The following OPA3 variants were observed in gnomAD, a reference collection of about 807,000 sequenced individuals.
OPA3 encodes the protein optic atrophy 3 protein.
In OPA3, 6 loss-of-function variants were observed where a neutral mutation model predicts 4.0. The observed-to-expected ratio is 1.51, with a 90% CI of 0.83 to 2.99. The LOEUF is 2.99. OPA3 is among the 30% of genes most tolerant of loss of function. The pLI is 0.00. For synonymous variants in OPA3, 105 were observed against 117.1 expected, an observed-to-expected ratio of 0.90 and a Z score of 0.67; for missense variants, 235 against 256.2, an observed-to-expected ratio of 0.92 and a Z score of 0.56.
intron 1 of OPA3, among the ~76,000 whole-genome samples, chr19:45,537,410 A>AAAAAAAAAAAAAAACAAG (rs1555730890): frequency 9.1e-4 from 109 of 120,088 alleles, no homozygotes; most frequent in South Asian, 1.6e-3. Flanking sequence ...AAAAAAAAAA[A>AAAAAAAAAAAAAAACAAG]AAAAAAAAAA....
At chr19:45,580,022 A>G (rs1969825031) in intron 1 of OPA3, among the ~76,000 whole-genome samples, 2 of 133,726 alleles carry the variant, frequency 1.5e-5, no homozygotes, top group Non-Finnish European at 3.1e-5. Flanking sequence ...TTTGATATGG[A>G]GTCTCGCTCT....
At chr19:45,542,480 T>C (rs542374772), downstream of OPA3, among the ~76,000 whole-genome samples, 20 of 152,258 alleles carry the variant, frequency 1.3e-4, no homozygotes, top group African/African-American at 2.4e-4. Flanking sequence ...CTAAACAGCA[T>C]GTGACTGTAC....
intron 1 of OPA3, among the ~76,000 whole-genome samples, chr19:45,583,551 G>A (rs551792374): frequency 6.6e-6 from 1 of 151,900 alleles, no homozygotes; most frequent in Non-Finnish European, 1.5e-5. Context: ...GCCCAGGCTG[G>A]AGTGCAATGG....
chr19:45,546,466 T>G lies in OPA3; in HGVS notation c.*7048A>C. The G allele has an allele frequency of 1.6e-6, 1 of 617,272 alleles. No homozygotes were observed. Among genetic ancestry groups the G allele is most frequent in the Non-Finnish European group, 2.0e-6 (1 of 494,656 alleles). 38.2% of individuals were successfully genotyped at this position (617,272 alleles called of 1,614,324 possible). On this transcript the variant is annotated 3_prime_UTR_variant, in exon 2 of 2. Transcript: ENST00000263275. ...ATACATAGAATTGTAAATTATTGTA[T>G]AAATATGCACACGATGGATTACATA...
intron 1 of OPA3, among the ~76,000 whole-genome samples, chr19:45,530,946 T>TGCA (rs1969054042): frequency 7.8e-6 from 1 of 128,644 alleles, no homozygotes; most frequent in Non-Finnish European, 1.6e-5. Flanking sequence ...TTTTTTTTTT[T>TGCA]TTTTTTTTTT....
intron 1 of OPA3, among the ~76,000 whole-genome samples, chr19:45,562,085 G>A (rs1472675024): frequency 2.0e-5 from 3 of 151,858 alleles, no homozygotes; most frequent in African/African-American, 4.8e-5. Flanking sequence ...TATGGCTCAC[G>A]CCTATAATAA....
chr19:45,545,505 T>C (rs1969238960), downstream of OPA3, among the ~76,000 whole-genome samples: 2 of 151,994 alleles, frequency 1.3e-5, no homozygotes, highest in South Asian at 2.1e-4. Context: ...CACTCCAGCC[T>C]GGGTGACAGA....
chr19:45,540,664 G>A (rs528763059), intron 1 of OPA3, among the ~76,000 whole-genome samples: 3 of 151,930 alleles, frequency 2.0e-5, no homozygotes, highest in South Asian at 2.1e-4. Context: ...TCAGGTGGGC[G>A]TGGTGACAGG....
chr19:45,528,008 G>A (rs1196408590), exon 2 of OPA3: 2 of 152,542 alleles, frequency 1.3e-5, no homozygotes, highest in African/African-American at 2.4e-5. Context: ...CCAAAGGCAG[G>A]AAGGAAGGGC....
chr19:45,529,551 G>T (rs1969036003), intron 1 of OPA3: 9 of 1,479,158 alleles, frequency 6.1e-6, no homozygotes, highest in Non-Finnish European at 8.5e-6. Context: ...TAGCAATGGG[G>T]ATGTGGTCAC....
Position 45,584,617 on chromosome 19 carries a change from A to G in OPA3, c.142+6T>C, listed in dbSNP as rs1969905110. 1.2e-6 allele frequency: 2 copies of G among 1,614,018 alleles called. No homozygotes were observed. Among genetic ancestry groups the G allele is most frequent in the Non-Finnish European group, 1.7e-6 (2 of 1,180,018 alleles). On this transcript the variant is annotated splice_donor_region_variant and intron_variant, in intron 1 of 1. Transcript: ENST00000263275. ...AAAGGTTGGAGGGAATTCGGGTCAG[A>G]CTCACGTTGAGCCGGCGGGAGGCAG... is the stretch of plus-strand genomic sequence containing the variant.
chr19:45,549,786 T>G lies in OPA3; in HGVS notation c.*3728A>C, dbSNP rs1908399886. 1 of 985,240 alleles carries G rather than the reference T, an allele frequency of 1.0e-6. No individual in the cohort carries two copies. Among genetic ancestry groups the G allele is most frequent in the Non-Finnish European group, 1.2e-6 (1 of 830,018 alleles). 61.0% of individuals were successfully genotyped at this position (985,240 alleles called of 1,614,324 possible). A position where few individuals can be genotyped will look rare whatever the true frequency, so the allele number is the denominator to read the frequency against. On this transcript the variant is annotated 3_prime_UTR_variant, in exon 2 of 2. Coordinates refer to ENST00000263275, the MANE Select transcript of OPA3 (RefSeq NM_025136.4). The stretch of plus-strand genomic sequence containing the variant: ...TGAGCTGGCCTGGGTCACTCCCAGT[T>G]TTAAACACAGCCCACTCAGGACCCA...
At chr19:45,579,741 A>AAATAAT (rs143143527) in intron 1 of OPA3, among the ~76,000 whole-genome samples, 11 of 151,686 alleles carry the variant, frequency 7.3e-5, no homozygotes, top group African/African-American at 1.7e-4. Flanking sequence ...TATATACACA[A>AAATAAT]AATAATAATA....
intron 1 of OPA3, among the ~76,000 whole-genome samples, chr19:45,532,568 C>T (rs948030432): frequency 4.6e-5 from 7 of 152,232 alleles, no homozygotes; most frequent in Middle Eastern, 6.8e-3. Context: ...CTGATCTCCT[C>T]ACTTTCCCTT....
At chr19:45,567,335 G>A (rs1462028088) in intron 1 of OPA3, among the ~76,000 whole-genome samples, 7 of 131,814 alleles carry the variant, frequency 5.3e-5, no homozygotes, top group Non-Finnish European at 7.8e-5. Flanking sequence ...GGGAGACCCT[G>A]TGTCAAAAAA....
intron 1 of OPA3, among the ~76,000 whole-genome samples, chr19:45,540,931 G>T (rs1969179337): frequency 1.3e-5 from 2 of 152,164 alleles, no homozygotes. Context: ...GGCCCAAGTG[G>T]ATCCCACCAA....
chr19:45,555,552 G>A (rs1334847121), intron 1 of OPA3, among the ~76,000 whole-genome samples: 2 of 151,558 alleles, frequency 1.3e-5, no homozygotes, highest in African/African-American at 2.4e-5. Flanking sequence ...GTGCAGTGGC[G>A]CGATCTCGGC....
chr19:45,538,794 T>C (rs571648756), intron 1 of OPA3, among the ~76,000 whole-genome samples: 1 of 151,878 alleles, frequency 6.6e-6, no homozygotes, highest in African/African-American at 2.4e-5. Flanking sequence ...CACAATGAGA[T>C]GCCATTTCCC....
intron 1 of OPA3, among the ~76,000 whole-genome samples, chr19:45,531,037 G>A (rs564764556): frequency 1.6e-4 from 20 of 128,926 alleles, no homozygotes; most frequent in Admixed American, 2.9e-4. Context: ...TGATCCACCC[G>A]CCTCAGCCTC....
Sources: allele counts gnomAD v4.1 joint callset (sites outside exome capture counted in the v4.1 genomes callset), GRCh38; gene constraint gnomAD v4.1.1; transcripts MANE v1.5; gene names NCBI Gene and HGNC (gene_info 2026-07-23, HGNC 2026-07-21).